Variants in COL26A1 observed in about 807,000 individuals in gnomAD.
COL26A1 encodes collagen alpha-1(XXVI) chain.
In COL26A1, 41 loss-of-function variants were observed where a neutral mutation model predicts 59.3. That is an observed-to-expected ratio of 0.69 (90% CI 0.54 to 0.90). The LOEUF is 0.90. Ranked by LOEUF, COL26A1 falls within the 40% of genes least tolerant of loss-of-function variation. The pLI is 0.00. For missense variants in COL26A1, 612 were observed against 602.3 expected, an observed-to-expected ratio of 1.02 and a Z score of -0.17; for synonymous variants, 266 against 256.0, an observed-to-expected ratio of 1.04 and a Z score of -0.37.
chr7:101,557,727 C>G lies in COL26A1; in HGVS notation c.*197C>G. 1.8e-6 allele frequency: 1 copy of G among 547,178 alleles called. No individual in the cohort carries two copies. Among genetic ancestry groups the G allele is most frequent in the Non-Finnish European group, 3.1e-6 (1 of 318,012 alleles). 33.9% of individuals were successfully genotyped at this position (547,178 alleles called of 1,614,324 possible). A position where few individuals can be genotyped will look rare whatever the true frequency, so the allele number is the denominator to read the frequency against. Reference sequence around the variant, plus strand: ...GGGCCAACACCCTCATCAGAGCCCTCCTCTGGCCTGTCCCCTCCCCTACCC... The same window carrying G: ...GGGCCAACACCCTCATCAGAGCCCTGCTCTGGCCTGTCCCCTCCCCTACCC... On this transcript the variant is annotated 3_prime_UTR_variant, in exon 13 of 13. Transcript: ENST00000313669.
In COL26A1 at chr7:101,517,798, A is replaced by ATTTT. The variant is rs869245512; in HGVS notation, c.386-15254_386-15251dup. On this transcript the variant is annotated intron_variant, in intron 3 of 12. Transcript: ENST00000313669. ...TCAGAGAAGCTTCCCTTCTCCCCGCATTTTTTTTTTTTTTTTTTTTTTTTT... is the reference window on the plus strand; with the variant it reads ...TCAGAGAAGCTTCCCTTCTCCCCGCATTTTTTTTTTTTTTTTTTTTTTTTTTTTT... 2.7e-3 allele frequency among the ~76,000 whole-genome samples: 209 copies of ATTTT among 76,896 alleles called. 7 individuals carry two copies. The highest frequency in any genetic ancestry group is 6.0e-3 in the African/African-American group (128 of 21,286). 50.4% of individuals were successfully genotyped at this position (76,896 alleles called of 152,430 possible).
chr7:101,532,728 G>A (rs754550693), intron 3 of COL26A1, among the ~76,000 whole-genome samples: 2 of 152,142 alleles, frequency 1.3e-5, no homozygotes, highest in Non-Finnish European at 2.9e-5. Flanking sequence ...TTCATCAATT[G>A]TCAGATATTT....
intron 2 of COL26A1, among the ~76,000 whole-genome samples, chr7:101,422,059 C>T (rs1211233674): frequency 6.6e-6 from 1 of 152,066 alleles, no homozygotes; most frequent in Non-Finnish European, 1.5e-5. Context: ...CGCCTGTAAT[C>T]CCAGCACTTT....
At chr7:101,503,957 G>A (rs1364549056) in intron 3 of COL26A1, among the ~76,000 whole-genome samples, 1 of 152,212 alleles carries the variant, frequency 6.6e-6, no homozygotes, top group Non-Finnish European at 1.5e-5. Context: ...AGGGGACCAT[G>A]TGTCACGCCT....
At chr7:101,433,044 C>T (rs1054114358) in intron 2 of COL26A1, among the ~76,000 whole-genome samples, 5 of 152,224 alleles carry the variant, frequency 3.3e-5, no homozygotes, top group East Asian at 1.9e-4. Flanking sequence ...GCCACTGGAC[C>T]GGACGTGGTG....
intron 2 of COL26A1, among the ~76,000 whole-genome samples, chr7:101,435,527 A>T (rs972036177): frequency 6.6e-6 from 1 of 152,092 alleles, no homozygotes; most frequent in Admixed American, 6.5e-5. Context: ...TGGGAAATAG[A>T]ACCCCCCCAC....
chr7:101,405,597 T>A (rs1183326613), intron 1 of COL26A1, among the ~76,000 whole-genome samples: 1 of 152,112 alleles, frequency 6.6e-6, no homozygotes, highest in African/African-American at 2.4e-5. Flanking sequence ...CCTCCTTAAA[T>A]GTGCTCCTCC....
intron 3 of COL26A1, among the ~76,000 whole-genome samples, chr7:101,510,027 C>CTTTTTTTTTTTTTTTTTTT (rs3073374): frequency 4.9e-5 from 6 of 122,300 alleles, no homozygotes; most frequent in African/African-American, 2.4e-4. Flanking sequence ...CGCGCCCAGT[C>CTTTTTTTTTTTTTTTTTTT]TTTTTTTTTT....
At chr7:101,454,488 A>T (rs1793420729) in intron 3 of COL26A1, among the ~76,000 whole-genome samples, 1 of 150,846 alleles carries the variant, frequency 6.6e-6, no homozygotes, top group African/African-American at 2.4e-5. Context: ...CGAACTCCTG[A>T]CCTCAGATGA....
rs538968568 is a variant in COL26A1 at position 101,365,171 on chromosome 7, C to A, written c.158+1981C>A. Among the ~76,000 whole-genome samples, 4 of 152,258 alleles carry A rather than the reference C, an allele frequency of 2.6e-5. No homozygotes were observed. In the East Asian group the frequency reaches 7.7e-4, roughly 29 times the overall value. ...TCTATGAGGAGCATTCTCCAAACAC[C>A]CACGCTAGTGTGGCCTCTGCACAGT... On this transcript the variant is annotated intron_variant, in intron 1 of 12. Coordinates refer to ENST00000313669, the MANE Select transcript of COL26A1 (RefSeq NM_001278563.3).
At chr7:101,453,981 G>A (rs1194276766) in intron 3 of COL26A1, among the ~76,000 whole-genome samples, 1 of 152,070 alleles carries the variant, frequency 6.6e-6, no homozygotes, top group African/African-American at 2.4e-5. Context: ...CTAAGGTTTG[G>A]AAATACTTTC....
intron 3 of COL26A1, among the ~76,000 whole-genome samples, chr7:101,493,123 A>G (rs924725506): frequency 1.3e-5 from 2 of 152,192 alleles, no homozygotes; most frequent in African/African-American, 4.8e-5. Context: ...ATTCAGGGAC[A>G]TTCAGCCGGG....
At chr7:101,436,870 C>T (rs1048567904) in intron 2 of COL26A1, among the ~76,000 whole-genome samples, 4 of 152,122 alleles carry the variant, frequency 2.6e-5, no homozygotes, top group Non-Finnish European at 5.9e-5. Flanking sequence ...TGTGCACAAC[C>T]ATGCCTGGCT....
chr7:101,434,089 CCTCT>C (rs1792850224), intron 2 of COL26A1, among the ~76,000 whole-genome samples: 2 of 94,234 alleles, frequency 2.1e-5, no homozygotes, highest in African/African-American at 5.6e-5. Flanking sequence ...TCCCTCCCTC[CCTCT>C]TTCTTTCTGC....
intron 1 of COL26A1, among the ~76,000 whole-genome samples, chr7:101,376,052 T>C (rs1162714193): frequency 1.3e-5 from 2 of 149,034 alleles, no homozygotes; most frequent in Admixed American, 1.3e-4. Context: ...TCCCAGCTAC[T>C]TGGGAGAGGA....
intron 3 of COL26A1, among the ~76,000 whole-genome samples, chr7:101,510,413 C>T (rs1038217639): frequency 1.3e-5 from 2 of 152,132 alleles, no homozygotes; most frequent in Non-Finnish European, 2.9e-5. Context: ...GATAAAAGTC[C>T]CCTCCTGGGC....
At chr7:101,420,897 C>A (rs755355767) in intron 2 of COL26A1, among the ~76,000 whole-genome samples, 2 of 152,056 alleles carry the variant, frequency 1.3e-5, no homozygotes, top group Non-Finnish European at 2.9e-5. Flanking sequence ...AACTCTCCTT[C>A]TTTTCCCTTC....
intron 1 of COL26A1, among the ~76,000 whole-genome samples, chr7:101,396,713 C>T (rs999622268): frequency 5.5e-4 from 84 of 152,242 alleles, no homozygotes; most frequent in African/African-American, 2.0e-3. Context: ...CCACCCACCT[C>T]GGCCTCCCAA....
In COL26A1 at chr7:101,421,832, A is replaced by G. The variant is rs116697709; in HGVS notation, c.281+1733A>G. Among the ~76,000 whole-genome samples, 574 of 152,176 alleles carry G rather than the reference A, an allele frequency of 3.8e-3. 4 individuals are homozygous for G. Among genetic ancestry groups the G allele is most frequent in the African/African-American group, 0.013 (533 of 41,514 alleles). ...CGAACATCCTGTTTCTCATCATACT[A>G]TCATATTGCTTGCAACAGTTAATGC... On this transcript the variant is annotated intron_variant, in intron 2 of 12. Coordinates refer to ENST00000313669, the MANE Select transcript of COL26A1 (RefSeq NM_001278563.3).
Sources: gnomAD v4.1 joint callset for allele counts (sites outside exome capture counted in the v4.1 genomes callset) on GRCh38, gnomAD v4.1.1 for gene constraint, MANE v1.5 for transcripts, NCBI Gene and HGNC (gene_info 2026-07-23, HGNC 2026-07-21) for gene names.